AAK1: variants seen among roughly 807,000 people sequenced by gnomAD.
AAK1 encodes the protein AP2-associated protein kinase 1.
Under a neutral mutation model 116.0 loss-of-function variants are expected in AAK1, and 37 were observed. The observed-to-expected ratio is 0.32, with a 90% CI of 0.25 to 0.42. The LOEUF (loss-of-function observed/expected upper bound fraction) is 0.42. AAK1 is among the 10% of genes least tolerant of loss of function. The probability of loss-of-function intolerance (pLI) is 1.00; values close to 1 mark genes in which losing one functional copy is unlikely to be tolerated. For missense variants in AAK1, 919 were observed against 1,170.6 expected (o/e 0.79, Z 3.14); for synonymous variants, 458 against 439.9 (o/e 1.04, Z -0.51).
Position 69,520,863 on chromosome 2 carries a change from G to C in AAK1, c.1181C>G (p.Ala394Gly), listed in dbSNP as rs1669747086. The change falls in exon 11 of 22, where the codon GCC (alanine) becomes GGC (glycine). Residue 394 changes from alanine to glycine, a missense_variant. By Grantham distance (60) the Ala-to-Gly change is moderately conservative. Coordinates refer to ENST00000409085, the MANE Select transcript of AAK1 (RefSeq NM_014911.5). The stretch of plus-strand genomic sequence containing the variant: ...AGCCTGAGGTGGGGGCTGAACAGTG[G>C]CCCTCTTCCGGGGTGTCAGCGCTGG... The part of the protein sequence containing the change: ...IQPALTPRKR[A>G]TVQPPPQAAG... 1.3e-6 allele frequency: 2 copies of C among 1,583,430 alleles called. No individual in the cohort carries two copies. Among genetic ancestry groups the C allele is most frequent in the Non-Finnish European group, 1.7e-6 (2 of 1,167,444 alleles).
At chr2:69,613,003 C>A (rs1034753375) in intron 2 of AAK1, among the ~76,000 whole-genome samples, 18 of 152,216 alleles carry the variant, frequency 1.2e-4, no homozygotes, top group African/African-American at 4.3e-4. Context: ...AGCTCTAGAT[C>A]TGGAGACCAG....
intron 2 of AAK1, among the ~76,000 whole-genome samples, chr2:69,588,809 C>G (rs1672898211): frequency 6.6e-6 from 1 of 151,942 alleles, no homozygotes; most frequent in South Asian, 2.1e-4. Flanking sequence ...ATCTGTGGAT[C>G]AAGGTTTACT....
chr2:69,604,666 CAG>C (rs1673721384), intron 2 of AAK1, among the ~76,000 whole-genome samples: 1 of 152,180 alleles, frequency 6.6e-6, no homozygotes, highest in African/African-American at 2.4e-5. Context: ...CAGGCTGAGG[CAG>C]AGACTTTAAA....
chr2:69,573,419 G>A (rs1672166625), intron 2 of AAK1, among the ~76,000 whole-genome samples: 2 of 152,206 alleles, frequency 1.3e-5, no homozygotes, highest in African/African-American at 2.4e-5. Flanking sequence ...TGACCTGGAA[G>A]GAAGACGAGA....
chr2:69,505,782 T>A, intron 15 of AAK1, 109 bp from the exon 16 acceptor site: 1 of 683,502 alleles, frequency 1.5e-6, no homozygotes, highest in Non-Finnish European at 2.5e-6. Flanking sequence ...CTTGACTACT[T>A]TTACTGCATT....
chr2:69,639,526 CTAGT>C (rs753198828), intron 2 of AAK1, among the ~76,000 whole-genome samples: 26 of 152,188 alleles, frequency 1.7e-4, no homozygotes, highest in Non-Finnish European at 3.4e-4. Context: ...CCCTGCTGGA[CTAGT>C]TAGTGAAACC....
At chr2:69,529,042 T>C (rs541232031) in intron 8 of AAK1, among the ~76,000 whole-genome samples, 9 of 152,318 alleles carry the variant, frequency 5.9e-5, no homozygotes, top group African/African-American at 1.9e-4. Context: ...ACTGGCACAA[T>C]GGAATGGGCA....
intron 5 of AAK1, among the ~76,000 whole-genome samples, chr2:69,539,891 T>G (rs969874855): frequency 6.6e-6 from 1 of 152,204 alleles, no homozygotes; most frequent in Non-Finnish European, 1.5e-5. Flanking sequence ...GGCCATACAT[T>G]AAACCCCTTG....
At chr2:69,609,101 C>T (rs867327204) in intron 2 of AAK1, among the ~76,000 whole-genome samples, 1 of 152,238 alleles carries the variant, frequency 6.6e-6, no homozygotes, top group East Asian at 1.9e-4. Flanking sequence ...GTGGCTCATA[C>T]CTGTAATCCC....
chr2:69,548,002 G>A (rs937440179), intron 3 of AAK1, among the ~76,000 whole-genome samples: 2 of 152,100 alleles, frequency 1.3e-5, no homozygotes, highest in South Asian at 4.1e-4. Context: ...ACAGACACAA[G>A]AGGTCAAATA....
chr2:69,589,708 CAAAAAAAAAA>C (rs762986666), intron 2 of AAK1, among the ~76,000 whole-genome samples: 2 of 58,684 alleles, frequency 3.4e-5, no homozygotes, highest in African/African-American at 1.1e-4. Context: ...AACTCTGTCT[CAAAAAAAAAA>C]AAAAAAAAAA....
chr2:69,525,474 GA>G (rs1019966062), intron 9 of AAK1, among the ~76,000 whole-genome samples: 16 of 152,314 alleles, frequency 1.1e-4, no homozygotes, highest in African/African-American at 3.6e-4. Flanking sequence ...GAATGGGAAG[GA>G]AATGTCTGTA....
At chr2:69,570,771 C>T (rs571450242) in intron 2 of AAK1, among the ~76,000 whole-genome samples, 50 of 152,322 alleles carry the variant, frequency 3.3e-4, no homozygotes, top group Admixed American at 2.6e-3. Flanking sequence ...TCTCCTCTAG[C>T]TCTTGATCAT....
In AAK1 at chr2:69,475,794, T is replaced by C. The variant is rs1447516084; in HGVS notation, c.*75A>G. On this transcript the variant is annotated 3_prime_UTR_variant, in exon 22 of 22. Transcript: ENST00000409085. ...TGCAGATTTTTTTAAAAAAATCATT[T>C]TTTTCATAACTCCGTAATGAAAATG... is the stretch of plus-strand genomic sequence containing the variant. 1 of 1,505,586 alleles carries C rather than the reference T, an allele frequency of 6.6e-7. No homozygotes were observed. The highest frequency in any genetic ancestry group is 9.0e-7 in the Non-Finnish European group (1 of 1,116,310). 93.3% of individuals were successfully genotyped at this position (1,505,586 alleles called of 1,614,324 possible). A position where few individuals can be genotyped will look rare whatever the true frequency, so the allele number is the denominator to read the frequency against.
At chr2:69,533,104 A>G (rs1479248428) in intron 5 of AAK1, among the ~76,000 whole-genome samples, 1 of 152,170 alleles carries the variant, frequency 6.6e-6, no homozygotes, top group Non-Finnish European at 1.5e-5. Context: ...TGTAGTCTCC[A>G]TTGTCTTTTG....
chr2:69,469,572 A>G lies in AAK1; in HGVS notation c.*6297T>C, dbSNP rs923435680. The G allele has an allele frequency of 4.8e-5, 47 of 985,422 alleles. No individual in the cohort carries two copies. The highest frequency in any genetic ancestry group is 4.5e-4 in the East Asian group (4 of 8,816). The allele number at this position is 985,422 out of a possible 1,614,324, so 61.0% of individuals were successfully genotyped here. On this transcript the variant is annotated 3_prime_UTR_variant, in exon 22 of 22. Transcript: ENST00000409085. ...CTTGACCCAGTTCCTTTGGTAACCA[A>G]TGGCACGTCATAGCAGATACCCTGT...
intron 2 of AAK1, among the ~76,000 whole-genome samples, chr2:69,574,377 CAAAA>C (rs58486434): frequency 4.0e-4 from 30 of 74,890 alleles, no homozygotes; most frequent in African/African-American, 9.4e-4. Flanking sequence ...GACTCCCTCT[CAAAA>C]AAAAAAAAAA....
At chr2:69,485,488 G>A (rs1475884673) in intron 17 of AAK1, among the ~76,000 whole-genome samples, 2 of 151,732 alleles carry the variant, frequency 1.3e-5, no homozygotes, top group Non-Finnish European at 2.9e-5. Context: ...GGAATCTTCT[G>A]GAGCATCCTG....
chr2:69,544,835 C>A (rs1271852374), intron 3 of AAK1, among the ~76,000 whole-genome samples: 2 of 152,138 alleles, frequency 1.3e-5, no homozygotes, highest in African/African-American at 4.8e-5. Context: ...TCCACGTAAA[C>A]TAGAAGCAAA....
Sources: gnomAD v4.1 joint callset for allele counts (sites outside exome capture counted in the v4.1 genomes callset) on GRCh38, gnomAD v4.1.1 for gene constraint, MANE v1.5 for transcripts, NCBI Gene and HGNC (gene_info 2026-07-23, HGNC 2026-07-21) for gene names.